The following CC2D2A variants were observed in gnomAD, a reference collection of about 807,000 sequenced individuals.
CC2D2A encodes the protein coiled-coil and C2 domain-containing protein 2A.
A neutral mutation model predicts 212.9 loss-of-function variants in CC2D2A; 155 were observed. The ratio of observed to expected loss-of-function variants is 0.73; its 90% confidence interval spans 0.64 to 0.83. The LOEUF is 0.83. Ranked by LOEUF, CC2D2A falls within the 40% of genes least tolerant of loss-of-function variation. The pLI is 0.00. For synonymous variants in CC2D2A, 667 were observed against 686.5 expected (o/e 0.97, Z 0.44); for missense variants, 1,856 against 1,956.2 (o/e 0.95, Z 0.97).
chr4:15,490,485 T>G (rs530914079), intron 4 of CC2D2A, among the ~76,000 whole-genome samples: 1 of 152,352 alleles, frequency 6.6e-6, no homozygotes, highest in Non-Finnish European at 1.5e-5. Flanking sequence ...TCAATTTCAT[T>G]TCTTTTGTTG....
intron 6 of CC2D2A, 80 bp from the exon 7 acceptor site, chr4:15,510,059 G>C (rs1330148103): frequency 6.8e-6 from 7 of 1,028,976 alleles, no homozygotes; most frequent in South Asian, 5.6e-5. Context: ...CTTTGGGATG[G>C]GGGGGTTAAC....
At chr4:15,479,019 CG>C (rs2108970509) in intron 3 of CC2D2A, among the ~76,000 whole-genome samples, 1 of 152,184 alleles carries the variant, frequency 6.6e-6, no homozygotes, top group South Asian at 2.1e-4. Context: ...CACAATAAGG[CG>C]GGGGTCCATA....
intron 24 of CC2D2A, among the ~76,000 whole-genome samples, chr4:15,566,541 A>AAT (rs1719888428): frequency 6.6e-6 from 1 of 152,006 alleles, no homozygotes; most frequent in Non-Finnish European, 1.5e-5. Context: ...CTGGGCATGG[A>AAT]AGTTGGGGAA....
intron 11 of CC2D2A, among the ~76,000 whole-genome samples, chr4:15,517,469 T>C (rs761020282): frequency 6.6e-6 from 1 of 152,192 alleles, no homozygotes; most frequent in Non-Finnish European, 1.5e-5. Flanking sequence ...TGTATTTTCC[T>C]AAGTCTGGTA....
chr4:15,536,153 C>T (rs1331879117), intron 14 of CC2D2A, among the ~76,000 whole-genome samples: 1 of 152,118 alleles, frequency 6.6e-6, no homozygotes, highest in African/African-American at 2.4e-5. Flanking sequence ...CCCAAATCCT[C>T]CATCCAAAGT....
At position 15,470,685 on chromosome 4, in the gene CC2D2A, CTCTCTATATATATATATATATATATA is replaced by C. The variant is rs1277402293; in HGVS notation, c.-19+630_-19+655del. On this transcript the variant is annotated intron_variant, in intron 1 of 36. Transcript: ENST00000424120. ...TCTCTCTCTCTCTCTCTCTCTCTCT[CTCTCTATATATATATATATATATATA>C]TATATATATATATATATATATATCC... is the stretch of plus-strand genomic sequence containing the variant. Among the ~76,000 whole-genome samples, 357 of 40,530 alleles carry C rather than the reference CTCTCTATATATATATATATATATATA, an allele frequency of 8.8e-3. 2 individuals are homozygous for C. Among genetic ancestry groups the C allele is most frequent in the Middle Eastern group, 0.012 (1 of 82 alleles). The allele number at this position is 40,530 out of a possible 152,430, so 26.6% of individuals were successfully genotyped here.
At chr4:15,500,751 T>C (rs2108996363) in intron 4 of CC2D2A, among the ~76,000 whole-genome samples, 1 of 152,322 alleles carries the variant, frequency 6.6e-6, no homozygotes, top group East Asian at 1.9e-4. Flanking sequence ...AGACCTGTTA[T>C]CTTTGCCTTC....
Position 15,569,319 on chromosome 4 carries a change from C to G in CC2D2A, c.3425C>G (p.Ala1142Gly), listed in dbSNP as rs1252635827. The change falls in exon 27 of 37, where the codon GCC (alanine) becomes GGC (glycine). Residue 1142 changes from alanine to glycine, a missense_variant. Ala to Gly is a moderately conservative substitution (Grantham distance 60). Around this residue, in one of 5 missense-constraint regions of CC2D2A, gnomAD observed 1,512 missense variants for 1,579.3 expected, o/e 0.96. Coordinates refer to ENST00000424120, the MANE Select transcript of CC2D2A (RefSeq NM_001378615.1). ...FRAPNGDYST[A>G]SLQSVKDVVF... ...GCTCCTAATGGAGATTATAGCACAG[C>G]CAGTCTGCAGTCAGTGAAAGATGTT... is the stretch of plus-strand genomic sequence containing the variant. The G allele has an allele frequency of 1.9e-6, 3 of 1,581,322 alleles. No individual in the cohort carries two copies. The Admixed American group carries it at 5.4e-5, about 28-fold the overall frequency.
intron 4 of CC2D2A, among the ~76,000 whole-genome samples, chr4:15,485,320 T>A (rs1479444340): frequency 6.6e-6 from 1 of 152,242 alleles, no homozygotes; most frequent in East Asian, 1.9e-4. Flanking sequence ...CATTCTTTTT[T>A]ATGGCTGAAT....
chr4:15,479,843 C>T (rs1714512283), intron 3 of CC2D2A, among the ~76,000 whole-genome samples: 1 of 152,140 alleles, frequency 6.6e-6, no homozygotes, highest in Admixed American at 6.5e-5. Flanking sequence ...GTGACTAGTG[C>T]CAAGGCTGCC....
Position 15,540,863 on chromosome 4 carries a change from T to TA in CC2D2A, c.2033dup (p.Lys679GlufsTer52). 6.2e-7 allele frequency: 1 copy of TA among 1,600,874 alleles called. No homozygotes were observed. The highest frequency in any genetic ancestry group is 1.1e-5 in the South Asian group (1 of 88,050). On this transcript the variant is annotated frameshift_variant, in exon 17 of 37. Coordinates refer to ENST00000424120, the MANE Select transcript of CC2D2A (RefSeq NM_001378615.1). LOFTEE classifies it high-confidence loss of function. ...GCGGAGGTCTCGAGAAGGGAGGATGTAAAGAAGCGCTCAGTGTACTTAAAA... is the reference window on the plus strand; with the variant it reads ...GCGGAGGTCTCGAGAAGGGAGGATGTAAAAGAAGCGCTCAGTGTACTTAAAA...
rs1290852614 is a variant in CC2D2A at position 15,597,425 on chromosome 4, CAG to C, written c.4457_4458del (p.Gln1486ProfsTer9). On this transcript the variant is annotated frameshift_variant, in exon 35 of 37. Transcript: ENST00000424120. LOFTEE classifies it high-confidence loss of function. ...SSVQPEELIY[Q>X]RSDKAAAAEL... ...TCTATAGCCTGAAGAGCTAATTTAC[CAG>C]CGCTCAGACAAAGCAGCTGCAGCTG... 6.4e-7 allele frequency: 1 copy of C among 1,552,470 alleles called. No homozygotes were observed. Among genetic ancestry groups the C allele is most frequent in the South Asian group, 1.2e-5 (1 of 84,102 alleles).
At chr4:15,485,165 A>G (rs992319037) in intron 4 of CC2D2A, among the ~76,000 whole-genome samples, 2 of 152,234 alleles carry the variant, frequency 1.3e-5, no homozygotes, top group African/African-American at 4.8e-5. Flanking sequence ...GGTAACCATC[A>G]TTCTACTCAC....
intron 30 of CC2D2A, among the ~76,000 whole-genome samples, chr4:15,583,346 G>A (rs1467241911): frequency 6.6e-6 from 1 of 152,106 alleles, no homozygotes; most frequent in East Asian, 1.9e-4. Flanking sequence ...GAGCAATGAG[G>A]CAAAAGAAAT....
At chr4:15,554,965 A>T (rs1053031460) in intron 19 of CC2D2A, 107 bp from the exon 20 acceptor site, 1 of 1,095,302 alleles carries the variant, frequency 9.1e-7, no homozygotes, top group Middle Eastern at 2.6e-4. Context: ...ATTTTCTCTC[A>T]TGGAGGATAA....
intron 11 of CC2D2A, among the ~76,000 whole-genome samples, chr4:15,524,511 C>T (rs1204781689): frequency 1.0e-4 from 14 of 137,378 alleles, no homozygotes; most frequent in East Asian, 4.7e-4. Flanking sequence ...AGTGCAGTAG[C>T]GCAATCTTGG....
Position 15,569,191 on chromosome 4 carries a change from A to G in CC2D2A, c.3399-102A>G, listed in dbSNP as rs1168451168. 7 of 669,668 alleles carry G rather than the reference A, an allele frequency of 1.0e-5. No homozygotes were observed. In the South Asian group the frequency reaches 1.1e-4, roughly 10 times the overall value. 41.5% of individuals were successfully genotyped at this position (669,668 alleles called of 1,614,324 possible). On this transcript the variant is annotated intron_variant, in intron 26 of 36. Transcript: ENST00000424120. ...TGAAAGCAATGCTTTTAATTCTAAC[A>G]TCTATGCTCATATTTGGGTATTTTT...
At position 15,511,247 on chromosome 4, in the gene CC2D2A, G is replaced by A. The variant is rs745646755; in HGVS notation, c.541G>A (p.Val181Ile). 2.6e-5 allele frequency: 42 copies of A among 1,596,120 alleles called. No individual in the cohort carries two copies. Among genetic ancestry groups the A allele is most frequent in the Non-Finnish European group, 1.8e-5 (21 of 1,172,486 alleles). Residue 181 changes from valine (V) to isoleucine (I), a missense_variant and splice_region_variant, in exon 8 of 37, where the codon GTT becomes ATT. Val to Ile is a conservative substitution (Grantham distance 29). Coordinates refer to ENST00000424120, the MANE Select transcript of CC2D2A (RefSeq NM_001378615.1). ...GCGATTGCTCCTTGCTTTTCGTTAG[G>A]TTCCACCTGGCTTCCCTTCTGCAGA... ...SARKIKPKPQ[V>I]PPGFPSAEEA...
At chr4:15,481,258 C>T (rs982059831) in intron 4 of CC2D2A, 5 of 454,384 alleles carry the variant, frequency 1.1e-5, no homozygotes, top group African/African-American at 1.0e-4. Context: ...TCTGTAATCC[C>T]AGCACTTTGG....
Sources: allele counts gnomAD v4.1 joint callset (sites outside exome capture counted in the v4.1 genomes callset), GRCh38; gene constraint gnomAD v4.1.1; regional missense constraint gnomAD v4.1.1; transcripts MANE v1.5; gene names NCBI Gene and HGNC (gene_info 2026-07-23, HGNC 2026-07-21).